The following GLB1 variants were observed in gnomAD, a reference collection of about 807,000 sequenced individuals.
GLB1 encodes galactosidase beta 1, also known as beta-galactosidase.
In GLB1, 56 loss-of-function variants were observed where a neutral mutation model predicts 74.0. That is an observed-to-expected ratio of 0.76 (90% CI 0.61 to 0.94). GLB1 has a LOEUF of 0.94. Ranked by LOEUF, GLB1 falls within the 40% of genes least tolerant of loss-of-function variation. The pLI is 0.00. For missense variants in GLB1, 787 were observed against 845.5 expected, an observed-to-expected ratio of 0.93 and a Z score of 0.86; for synonymous variants, 323 against 323.6, an observed-to-expected ratio of 1.00 and a Z score of 0.02.
intron 2 of GLB1, among the ~76,000 whole-genome samples, chr3:33,069,793 C>T (rs1244939836): frequency 6.6e-6 from 1 of 152,162 alleles, no homozygotes; most frequent in South Asian, 2.1e-4. Flanking sequence ...CTAGTTTCCT[C>T]AGTAATAAGT....
chr3:33,059,898 A>G (rs1299453711), intron 5 of GLB1, among the ~76,000 whole-genome samples: 1 of 152,260 alleles, frequency 6.6e-6, no homozygotes, highest in African/African-American at 2.4e-5. Flanking sequence ...AAACGTAAGC[A>G]CAAGAAACTG....
At chr3:32,997,708 T>C (rs887351287) in intron 15 of GLB1, among the ~76,000 whole-genome samples, 2 of 152,228 alleles carry the variant, frequency 1.3e-5, no homozygotes, top group African/African-American at 4.8e-5. Context: ...TCCCAGGTGC[T>C]GCCTGTACCC....
chr3:33,018,285 CAAAAAAAAAAAAAAAAAAA>C (rs57833238), intron 13 of GLB1, among the ~76,000 whole-genome samples, 144 bp downstream of exon 13: 12 of 41,996 alleles, frequency 2.9e-4, no homozygotes, highest in African/African-American at 8.5e-4. Flanking sequence ...AACCCTGTCT[CAAAAAAAAAAAAAAAAAAA>C]AAAAAAAAAA....
intron 10 of GLB1, among the ~76,000 whole-genome samples, chr3:33,026,355 C>G (rs1394204634): frequency 6.6e-6 from 1 of 152,188 alleles, no homozygotes; most frequent in Admixed American, 6.5e-5. Flanking sequence ...CCACCTCAGC[C>G]CCCTCTGGAC....
intron 10 of GLB1, among the ~76,000 whole-genome samples, chr3:33,031,990 G>A (rs145618468): frequency 2.6e-3 from 388 of 152,154 alleles, no homozygotes; most frequent in African/African-American, 9.1e-3. Context: ...TAGAGATGGA[G>A]TATCACCATG....
At chr3:33,062,311 G>A (rs1330306275) in intron 5 of GLB1, among the ~76,000 whole-genome samples, 2 of 152,252 alleles carry the variant, frequency 1.3e-5, no homozygotes, top group East Asian at 3.9e-4. Flanking sequence ...GGGAACACGG[G>A]TGCATGGCAG....
chr3:33,043,445 T>G (rs1698585793), intron 10 of GLB1, among the ~76,000 whole-genome samples: 1 of 151,778 alleles, frequency 6.6e-6, no homozygotes, highest in African/African-American at 2.4e-5. Context: ...CTAAAAAAAT[T>G]AGAATGCAGT....
At chr3:33,043,409 T>A (rs1698583912) in intron 10 of GLB1, among the ~76,000 whole-genome samples, 1 of 152,100 alleles carries the variant, frequency 6.6e-6, no homozygotes, top group African/African-American at 2.4e-5. Context: ...TCTGGGGGTA[T>A]AGATGTCACA....
chr3:32,998,346 A>G (rs1289875816), intron 15 of GLB1, among the ~76,000 whole-genome samples: 2 of 152,106 alleles, frequency 1.3e-5, no homozygotes, highest in Admixed American at 6.5e-5. Flanking sequence ...CGTCTCTACT[A>G]AAAATACAAA....
At chr3:33,090,085 G>A (rs1301190019) in intron 1 of GLB1, among the ~76,000 whole-genome samples, 1 of 152,152 alleles carries the variant, frequency 6.6e-6, no homozygotes, top group Admixed American at 6.6e-5. Context: ...TCTTTAAAGA[G>A]GTCAAAAATC....
At chr3:33,055,798 A>G (rs1699190735) in intron 6 of GLB1, among the ~76,000 whole-genome samples, 1 of 151,774 alleles carries the variant, frequency 6.6e-6, no homozygotes, top group Non-Finnish European at 1.5e-5. Flanking sequence ...AAAAACTGCA[A>G]TCACTTTTGC....
At chr3:33,053,273 T>C (rs185952979) in intron 7 of GLB1, among the ~76,000 whole-genome samples, 1 of 152,292 alleles carries the variant, frequency 6.6e-6, no homozygotes, top group Non-Finnish European at 1.5e-5. Flanking sequence ...GCCATTCATG[T>C]TGGTCCCCAG....
chr3:33,086,575 TAATATC>T (rs1254088040), intron 1 of GLB1, among the ~76,000 whole-genome samples: 1 of 152,188 alleles, frequency 6.6e-6, no homozygotes, highest in Non-Finnish European at 1.5e-5. Context: ...AGGTCAATCT[TAATATC>T]AGTGAAGCAA....
chr3:33,074,630 C>T (rs1263075540), intron 1 of GLB1, among the ~76,000 whole-genome samples: 1 of 151,986 alleles, frequency 6.6e-6, no homozygotes, highest in Non-Finnish European at 1.5e-5. Flanking sequence ...GACTGTTAAG[C>T]CGAGTGGAAC....
At chr3:32,971,196 A>G in the GLB1 span, among the ~76,000 whole-genome samples, 1 of 152,266 alleles carries the variant, frequency 6.6e-6, no homozygotes, top group Non-Finnish European at 1.5e-5. Flanking sequence ...AGACAAGGAC[A>G]TGCAATCCTT....
chr3:32,970,436 T>C, the GLB1 span, among the ~76,000 whole-genome samples: 5 of 152,042 alleles, frequency 3.3e-5, no homozygotes, highest in Admixed American at 3.3e-4. Flanking sequence ...AAACTAACTT[T>C]AAAAAGGCAA....
At chr3:32,997,792 C>T (rs1396752612) in intron 15 of GLB1, among the ~76,000 whole-genome samples, 1 of 152,208 alleles carries the variant, frequency 6.6e-6, no homozygotes, top group African/African-American at 2.4e-5. Context: ...TAGATCTTTT[C>T]CTTCTTTGTT....
the GLB1 span, among the ~76,000 whole-genome samples, chr3:32,968,378 A>G: frequency 6.6e-6 from 1 of 152,308 alleles, no homozygotes; most frequent in South Asian, 2.1e-4. Context: ...GTCAAGGGCT[A>G]CTGCACCCAG....
chr3:32,968,688 C>T, the GLB1 span, among the ~76,000 whole-genome samples: 1 of 152,186 alleles, frequency 6.6e-6, no homozygotes, highest in Non-Finnish European at 1.5e-5. Flanking sequence ...GGAGCCCCTC[C>T]TCTAGGAGGC....
Sources: gnomAD v4.1 joint callset for allele counts (sites outside exome capture counted in the v4.1 genomes callset) on GRCh38, gnomAD v4.1.1 for gene constraint, MANE v1.5 for transcripts, NCBI Gene and HGNC (gene_info 2026-07-23, HGNC 2026-07-21) for gene names.